The following EVA1A variants were observed in gnomAD, a reference collection of about 807,000 sequenced individuals.
The protein encoded by EVA1A is eva-1 homolog A, regulator of programmed cell death, also known as protein eva-1 homolog A.
A neutral mutation model predicts 9.8 loss-of-function variants in EVA1A; 7 were observed. The observed-to-expected ratio is 0.71, with a 90% CI of 0.41 to 1.34. The LOEUF (loss-of-function observed/expected upper bound fraction) is 1.34. EVA1A is among the 40% of genes most tolerant of loss of function. EVA1A has a pLI of 0.01. For synonymous variants in EVA1A, 90 were observed against 85.6 expected (o/e 1.05, Z -0.28); for missense variants, 206 against 205.9 (o/e 1.00, Z 0.00).
At chr2:75,501,140 T>C (rs1466828551) in intron 3 of EVA1A, among the ~76,000 whole-genome samples, 1 of 152,006 alleles carries the variant, frequency 6.6e-6, no homozygotes, top group Admixed American at 6.6e-5. Flanking sequence ...AGCCAAAGAC[T>C]TCATTGTCCA....
chr2:75,523,487 A>T (rs1380382596), intron 1 of EVA1A, among the ~76,000 whole-genome samples: 1 of 152,196 alleles, frequency 6.6e-6, no homozygotes, highest in Non-Finnish European at 1.5e-5. Flanking sequence ...GAGAGGATAC[A>T]CATGGCCCCA....
chr2:75,525,746 T>C (rs760664893), intron 1 of EVA1A, among the ~76,000 whole-genome samples: 30 of 152,330 alleles, frequency 2.0e-4, no homozygotes, highest in East Asian at 7.7e-4. Context: ...ATCTTTGTCT[T>C]GATTTGAACA....
At chr2:75,518,635 C>T (rs1675103920) in intron 2 of EVA1A, 3 of 987,642 alleles carry the variant, frequency 3.0e-6, no homozygotes, top group Non-Finnish European at 2.4e-6. Context: ...AACAATTCCC[C>T]CTTACCACTT....
intron 2 of EVA1A, among the ~76,000 whole-genome samples, chr2:75,519,504 T>C (rs1233000261): frequency 6.6e-6 from 1 of 152,106 alleles, no homozygotes; most frequent in African/African-American, 2.4e-5. Flanking sequence ...GAAACAACCA[T>C]AAAGTCCTTG....
At chr2:75,521,388 G>A (rs1310199012) in intron 2 of EVA1A, among the ~76,000 whole-genome samples, 1 of 152,172 alleles carries the variant, frequency 6.6e-6, no homozygotes, top group African/African-American at 2.4e-5. Context: ...GTACACCAAT[G>A]TTCAGAGCTG....
chr2:75,506,603 C>T (rs1674628928), intron 3 of EVA1A, among the ~76,000 whole-genome samples: 1 of 152,164 alleles, frequency 6.6e-6, no homozygotes, highest in Non-Finnish European at 1.5e-5. Context: ...CCAGAGTAGG[C>T]ACAGCCTCAA....
intron 3 of EVA1A, among the ~76,000 whole-genome samples, chr2:75,513,056 T>C (rs1674873621): frequency 6.6e-6 from 1 of 152,162 alleles, no homozygotes; most frequent in African/African-American, 2.4e-5. Context: ...TTTTTGATCT[T>C]GAATCAGCCT....
chr2:75,521,496 C>T (rs948470360), intron 2 of EVA1A, among the ~76,000 whole-genome samples: 3 of 152,168 alleles, frequency 2.0e-5, no homozygotes, highest in South Asian at 2.1e-4. Context: ...TGCAATATTA[C>T]GCACAGCCTT....
intron 3 of EVA1A, among the ~76,000 whole-genome samples, chr2:75,508,126 T>C (rs932660450): frequency 1.3e-5 from 2 of 152,164 alleles, no homozygotes; most frequent in Non-Finnish European, 2.9e-5. Flanking sequence ...AGGATGTATG[T>C]CACCTCAGGA....
chr2:75,562,484 G>A (rs1676946710), upstream of EVA1A, among the ~76,000 whole-genome samples: 1 of 152,180 alleles, frequency 6.6e-6, no homozygotes, highest in African/African-American at 2.4e-5. Context: ...GTAAAGACAG[G>A]TTATTCCACT....
In EVA1A at chr2:75,532,929, G is replaced by T. The variant is rs181192299; in HGVS notation, c.-191-10442C>A. 5.9e-5 allele frequency among the ~76,000 whole-genome samples: 9 copies of T among 152,262 alleles called. No individual in the cohort carries two copies. In the East Asian group the frequency reaches 1.5e-3, roughly 26 times the overall value. ...AAGCCGAGGTGGGCAGGTTACTTGA[G>T]CTCAGGTGTTTGAGACCAGCCTAGG... On this transcript the variant is annotated intron_variant, in intron 1 of 3. Transcript: ENST00000393913.
intron 1 of EVA1A, among the ~76,000 whole-genome samples, chr2:75,565,940 G>C (rs536780046): frequency 6.6e-6 from 1 of 152,286 alleles, no homozygotes; most frequent in African/African-American, 2.4e-5. Context: ...TGTTTAAAAT[G>C]TTAGTTTGGA....
At chr2:75,549,407 A>G (rs1343380586) in intron 1 of EVA1A, among the ~76,000 whole-genome samples, 1 of 152,170 alleles carries the variant, frequency 6.6e-6, no homozygotes, top group Non-Finnish European at 1.5e-5. Context: ...AAAGTGGGGC[A>G]AAACACCTGC....
At chr2:75,526,472 C>T (rs1675443210) in intron 1 of EVA1A, among the ~76,000 whole-genome samples, 1 of 146,842 alleles carries the variant, frequency 6.8e-6, no homozygotes, top group Admixed American at 6.6e-5. Flanking sequence ...CATAACAGTC[C>T]CATGAGGTAG....
chr2:75,565,090 G>C (rs1443241545), upstream of EVA1A, among the ~76,000 whole-genome samples: 1 of 152,170 alleles, frequency 6.6e-6, no homozygotes. Context: ...TATGTAACCC[G>C]TGTGTCTATC....
intron 1 of EVA1A, among the ~76,000 whole-genome samples, 161 bp downstream of exon 1, chr2:75,560,519 C>G (rs1157655028): frequency 6.6e-6 from 1 of 152,108 alleles, no homozygotes; most frequent in Non-Finnish European, 1.5e-5. Context: ...CCTGTGGGAC[C>G]CAGCCTACAA....
intron 1 of EVA1A, among the ~76,000 whole-genome samples, chr2:75,522,900 G>A (rs1398774611): frequency 1.3e-5 from 2 of 152,228 alleles, no homozygotes; most frequent in Non-Finnish European, 2.9e-5. Flanking sequence ...GATGGGCCAT[G>A]AAATGAAGTC....
rs1218302073 is a variant in EVA1A, at chr2:75,560,875, C to G, written c.-387G>C. The stretch of plus-strand genomic sequence containing the variant: ...CAGGGCTGGCCTGGGGATGTGGGGT[C>G]CCGGCCTGGGTGCTCACGGACGGCG... On this transcript the variant is annotated 5_prime_UTR_variant, in exon 1 of 4. Coordinates refer to ENST00000393913, the MANE Select transcript of EVA1A (RefSeq NM_001135032.2). The G allele has an allele frequency of 6.5e-6, 1 of 153,010 alleles. No homozygotes were observed. The highest frequency in any genetic ancestry group is 2.4e-5 in the African/African-American group (1 of 41,458). The allele number at this position is 153,010 out of a possible 1,614,324, so 9.5% of individuals were successfully genotyped here. A position where few individuals can be genotyped will look rare whatever the true frequency, so the allele number is the denominator to read the frequency against.
intron 1 of EVA1A, chr2:75,558,471 T>G (rs1676800800): frequency 4.6e-5 from 7 of 151,966 alleles, no homozygotes; most frequent in Admixed American, 4.6e-4. Context: ...AGGGGAGAGA[T>G]AAACAAAATA....
Sources: gnomAD v4.1 joint callset for allele counts (sites outside exome capture counted in the v4.1 genomes callset) on GRCh38, gnomAD v4.1.1 for gene constraint, MANE v1.5 for transcripts, NCBI Gene and HGNC (gene_info 2026-07-23, HGNC 2026-07-21) for gene names.